Variants in ARID5B observed in about 807,000 individuals in gnomAD.
The protein encoded by ARID5B is AT-rich interactive domain-containing protein 5B.
ARID5B carries 13 observed loss-of-function variants against 97.2 expected under a neutral mutation model. That is an observed-to-expected ratio of 0.13 (90% CI 0.09 to 0.21). ARID5B has a LOEUF of 0.21. Ranked by LOEUF, ARID5B falls within the 10% of genes least tolerant of loss-of-function variation. The pLI is 1.00. For missense variants in ARID5B, 1,210 were observed against 1,465.3 expected, an observed-to-expected ratio of 0.83 and a Z score of 2.84; for synonymous variants, 556 against 570.3, an observed-to-expected ratio of 0.97 and a Z score of 0.36.
At position 62,094,301 on chromosome 10, in the gene ARID5B, C is replaced by G. The variant is rs1175602807; in HGVS notation, c.*1271C>G. ...GCTGCAGTCCTGATAGCTTCTCTAGCCTCGGTCTTTTGAGTGATAAGTAGT... is the reference window on the plus strand; with the variant it reads ...GCTGCAGTCCTGATAGCTTCTCTAGGCTCGGTCTTTTGAGTGATAAGTAGT... On this transcript the variant is annotated 3_prime_UTR_variant, in exon 10 of 10. Transcript: ENST00000279873. The G allele has an allele frequency of 8.6e-6, 2 of 231,232 alleles. No individual in the cohort carries two copies. Among genetic ancestry groups the G allele is most frequent in the Non-Finnish European group, 1.7e-5 (2 of 116,896 alleles). The allele number at this position is 231,232 out of a possible 1,614,324, so 14.3% of individuals were successfully genotyped here.
chr10:61,984,475 C>T (rs1838819585), intron 3 of ARID5B, among the ~76,000 whole-genome samples: 1 of 152,218 alleles, frequency 6.6e-6, no homozygotes, highest in Admixed American at 6.5e-5. Flanking sequence ...GTCTCTTTCT[C>T]CCTTGAAGAG....
chr10:61,904,468 T>C (rs1202682600), intron 2 of ARID5B, among the ~76,000 whole-genome samples: 2 of 152,362 alleles, frequency 1.3e-5, no homozygotes, highest in East Asian at 3.9e-4. Flanking sequence ...ACGATTTCTT[T>C]TTAATTGTTC....
chr10:62,025,818 A>AT (rs1011317093), intron 4 of ARID5B, among the ~76,000 whole-genome samples: 12 of 152,176 alleles, frequency 7.9e-5, no homozygotes, highest in African/African-American at 2.9e-4. Flanking sequence ...AGCGAAAAAA[A>AT]AAAAAAAAAA....
In ARID5B at chr10:62,095,401, C is replaced by G. The variant is rs945393552; in HGVS notation, c.*2371C>G. 8.6e-5 allele frequency: 20 copies of G among 233,420 alleles called. No homozygotes were observed. Among genetic ancestry groups the G allele is most frequent in the African/African-American group, 4.4e-4 (20 of 45,300 alleles). 14.5% of individuals were successfully genotyped at this position (233,420 alleles called of 1,614,324 possible). A position where few individuals can be genotyped will look rare whatever the true frequency, so the allele number is the denominator to read the frequency against. On this transcript the variant is annotated 3_prime_UTR_variant, in exon 10 of 10. Coordinates refer to ENST00000279873, the MANE Select transcript of ARID5B (RefSeq NM_032199.3). ...AAAAAAGGAGGGGGGGCATCTGTCC[C>G]CGGTGGAGCTCACCTATTTGGAATA...
intron 9 of ARID5B, among the ~76,000 whole-genome samples, chr10:62,087,526 G>T (rs1419364035): frequency 5.4e-5 from 8 of 146,886 alleles, no homozygotes; most frequent in Admixed American, 5.4e-4. Context: ...AAACGCTGCT[G>T]CCCATTAAAA....
intron 8 of ARID5B, 126 bp from the exon 9 acceptor site, chr10:62,085,576 G>T: frequency 1.3e-6 from 1 of 788,840 alleles, no homozygotes; most frequent in Non-Finnish European, 2.1e-6. Flanking sequence ...TAGAAGTATA[G>T]CACTGTCACT....
chr10:61,982,850 C>T (rs1318486853), intron 3 of ARID5B, among the ~76,000 whole-genome samples: 1 of 152,160 alleles, frequency 6.6e-6, no homozygotes, highest in East Asian at 1.9e-4. Context: ...TTTCAAAACA[C>T]GGACCAACTT....
At chr10:61,929,101 T>C (rs754057180) in intron 2 of ARID5B, among the ~76,000 whole-genome samples, 1 of 152,258 alleles carries the variant, frequency 6.6e-6, no homozygotes, top group Non-Finnish European at 1.5e-5. Flanking sequence ...TGTCTAAAAG[T>C]TGACTCTTAA....
intron 7 of ARID5B, among the ~76,000 whole-genome samples, chr10:62,065,007 C>T (rs967434058): frequency 6.6e-6 from 1 of 152,160 alleles, no homozygotes; most frequent in Non-Finnish European, 1.5e-5. Flanking sequence ...CTCCTGACCT[C>T]AGATGATCCA....
At chr10:62,007,662 C>T (rs1482932489) in intron 4 of ARID5B, among the ~76,000 whole-genome samples, 1 of 152,176 alleles carries the variant, frequency 6.6e-6, no homozygotes, top group Non-Finnish European at 1.5e-5. Flanking sequence ...CAACCTTAAC[C>T]ACATACTGGT....
chr10:62,068,567 C>T (rs1215291304), intron 7 of ARID5B, among the ~76,000 whole-genome samples: 2 of 151,642 alleles, frequency 1.3e-5, no homozygotes, highest in Non-Finnish European at 2.9e-5. Flanking sequence ...TGCCTTTAGC[C>T]CCTTGGTGAA....
In ARID5B at chr10:61,940,373, A is replaced by G; in HGVS notation, c.467A>G (p.Asn156Ser). 1.9e-6 allele frequency: 3 copies of G among 1,614,022 alleles called. No homozygotes were observed. The highest frequency in any genetic ancestry group is 2.2e-5 in the South Asian group (2 of 91,054). ...YRQSTLNSGL[N>S]FKDVLKEKAD... The stretch of plus-strand genomic sequence containing the variant: ...CAGTCAACCCTAAACAGTGGACTCA[A>G]CTTCAAAGACGTTCTCAAGGAGAAG... The change falls in exon 3 of 10, where the codon AAC (asparagine) becomes AGC (serine). Residue 156 changes from asparagine to serine, a missense_variant. Transcript: ENST00000279873.
At chr10:61,961,578 G>C (rs143852710) in intron 3 of ARID5B, among the ~76,000 whole-genome samples, 7 of 152,264 alleles carry the variant, frequency 4.6e-5, no homozygotes, top group Non-Finnish European at 8.8e-5. Flanking sequence ...CCCTTTTCGC[G>C]TGTCAGTTAC....
At chr10:62,059,371 A>G (rs1564639625) in intron 7 of ARID5B, 76 bp downstream of exon 7, 2 of 1,236,020 alleles carry the variant, frequency 1.6e-6, no homozygotes, top group South Asian at 2.5e-5. Flanking sequence ...AATGGAGAAC[A>G]TGCAAGGGCA....
chr10:61,949,008 C>T (rs1002364914), intron 3 of ARID5B, among the ~76,000 whole-genome samples: 1 of 152,146 alleles, frequency 6.6e-6, no homozygotes, highest in Non-Finnish European at 1.5e-5. Flanking sequence ...TAATGAACAT[C>T]GTTGTTAATA....
chr10:62,067,511 C>T lies in ARID5B; in HGVS notation c.1102-2189C>T, dbSNP rs74468532. ...TGCTGTCCTCTTAGCTAGATTTCCCCATTGGGAAAGACTCAAAGCTAAAGG... is the reference window on the plus strand; with the variant it reads ...TGCTGTCCTCTTAGCTAGATTTCCCTATTGGGAAAGACTCAAAGCTAAAGG... On this transcript the variant is annotated intron_variant, in intron 7 of 9. Transcript: ENST00000279873. 1.7e-3 allele frequency among the ~76,000 whole-genome samples: 266 copies of T among 152,330 alleles called. 1 individual carries two copies. The highest frequency in any genetic ancestry group is 6.2e-3 in the African/African-American group (258 of 41,572).
At chr10:62,082,683 C>T (rs1300900701) in intron 8 of ARID5B, among the ~76,000 whole-genome samples, 1 of 152,148 alleles carries the variant, frequency 6.6e-6, no homozygotes, top group Non-Finnish European at 1.5e-5. Flanking sequence ...TTTAATGGTA[C>T]CACATGTACG....
chr10:61,974,298 C>T (rs1838670400), intron 3 of ARID5B, among the ~76,000 whole-genome samples: 1 of 152,170 alleles, frequency 6.6e-6, no homozygotes, highest in Non-Finnish European at 1.5e-5. Flanking sequence ...AAAACAATAT[C>T]TTCTAGGGTC....
chr10:61,966,535 T>G (rs892016946), intron 3 of ARID5B, among the ~76,000 whole-genome samples: 1 of 152,220 alleles, frequency 6.6e-6, no homozygotes, highest in Non-Finnish European at 1.5e-5. Flanking sequence ...GATTTTTTTT[T>G]TCACATGCTC....
Sources: gnomAD v4.1 joint callset for allele counts (sites outside exome capture counted in the v4.1 genomes callset) on GRCh38, gnomAD v4.1.1 for gene constraint, MANE v1.5 for transcripts, NCBI Gene and HGNC (gene_info 2026-07-23, HGNC 2026-07-21) for gene names.